Variants in KCNMA1 observed in about 807,000 individuals in gnomAD.
KCNMA1 encodes the protein Calcium-activated potassium channel subunit alpha-1.
KCNMA1 carries 29 observed loss-of-function variants against 140.0 expected under a neutral mutation model. That is an observed-to-expected ratio of 0.21 (90% CI 0.15 to 0.28). KCNMA1 has a LOEUF of 0.28. Ranked by LOEUF, KCNMA1 falls within the 10% of genes least tolerant of loss-of-function variation. KCNMA1 has a pLI of 1.00. For missense variants in KCNMA1, 880 were observed against 1,602.2 expected (o/e 0.55, Z 7.70); for synonymous variants, 612 against 611.9 (o/e 1.00, Z 0.00).
intron 3 of KCNMA1, among the ~76,000 whole-genome samples, chr10:77,230,877 A>T (rs1257478762): frequency 1.3e-5 from 2 of 152,150 alleles, no homozygotes; most frequent in Non-Finnish European, 2.9e-5. Context: ...CAATAGAGAA[A>T]TTTCTGTCTT....
At chr10:77,320,387 G>T (rs1287651159) in intron 2 of KCNMA1, among the ~76,000 whole-genome samples, 7 of 152,162 alleles carry the variant, frequency 4.6e-5, no homozygotes, top group Admixed American at 3.9e-4. Flanking sequence ...TGCAAGGAAG[G>T]AAGGGGCTAC....
intron 2 of KCNMA1, among the ~76,000 whole-genome samples, chr10:77,336,445 A>T (rs774925115): frequency 6.6e-6 from 1 of 152,094 alleles, no homozygotes; most frequent in African/African-American, 2.4e-5. Context: ...AAAAAAAAAG[A>T]AGATGAATGC....
chr10:77,332,975 T>C, intron 2 of KCNMA1, among the ~76,000 whole-genome samples: 1 of 152,216 alleles, frequency 6.6e-6, no homozygotes, highest in Non-Finnish European at 1.5e-5. Flanking sequence ...CTTAGGTTAT[T>C]TTCTCTTTAA....
chr10:77,143,842 C>T (rs1176685099), intron 5 of KCNMA1, among the ~76,000 whole-genome samples: 1 of 152,096 alleles, frequency 6.6e-6, no homozygotes, highest in Non-Finnish European at 1.5e-5. Context: ...TGACAAAGAA[C>T]TTACAGAAAT....
chr10:77,601,921 T>C (rs2082790457), intron 1 of KCNMA1, among the ~76,000 whole-genome samples: 1 of 152,142 alleles, frequency 6.6e-6, no homozygotes, highest in Non-Finnish European at 1.5e-5. Flanking sequence ...GAGCAAGGGA[T>C]ATAGCAGGAG....
At chr10:77,021,569 G>A (rs1251599742) in intron 16 of KCNMA1, among the ~76,000 whole-genome samples, 1 of 152,206 alleles carries the variant, frequency 6.6e-6, no homozygotes. Context: ...TTTTATCCCT[G>A]CACAATATCT....
intron 2 of KCNMA1, among the ~76,000 whole-genome samples, chr10:77,265,176 C>T (rs567805207): frequency 1.3e-5 from 2 of 152,254 alleles, no homozygotes; most frequent in African/African-American, 4.8e-5. Context: ...CTCAGCCTCC[C>T]AAGTACCTGG....
At chr10:76,957,569 A>C (rs1591922782) in intron 20 of KCNMA1, among the ~76,000 whole-genome samples, 3 of 152,224 alleles carry the variant, frequency 2.0e-5, no homozygotes, top group African/African-American at 7.2e-5. Context: ...GAGCCATTCC[A>C]CAAGAGCAAG....
intron 1 of KCNMA1, among the ~76,000 whole-genome samples, chr10:77,451,231 C>T (rs994952332): frequency 6.6e-6 from 1 of 152,274 alleles, no homozygotes; most frequent in South Asian, 2.1e-4. Context: ...AGGAGCCTGA[C>T]CAGTGACATC....
chr10:77,225,725 A>C (rs924400067), intron 3 of KCNMA1, among the ~76,000 whole-genome samples: 11 of 152,234 alleles, frequency 7.2e-5, no homozygotes, highest in African/African-American at 2.6e-4. Context: ...CCAGGAGGAG[A>C]CAGGAACTGG....
At chr10:76,942,095 C>A (rs7893614) in intron 23 of KCNMA1, among the ~76,000 whole-genome samples, 55,291 of 152,060 alleles carry the variant, frequency 0.36, 10,762 homozygotes, top group East Asian at 0.76. Context: ...CCTCAGCCTC[C>A]CGAGTAGCTG....
At chr10:77,005,749 G>A (rs1008358785) in intron 18 of KCNMA1, among the ~76,000 whole-genome samples, 1 of 152,222 alleles carries the variant, frequency 6.6e-6, no homozygotes, top group Non-Finnish European at 1.5e-5. Flanking sequence ...TCACCACAGT[G>A]AAGTGGATAT....
intron 3 of KCNMA1, among the ~76,000 whole-genome samples, chr10:77,190,101 C>A (rs1425622539): frequency 6.6e-6 from 1 of 152,106 alleles, no homozygotes; most frequent in Non-Finnish European, 1.5e-5. Flanking sequence ...CTGCTGATTA[C>A]TCTTTGTGTT....
chr10:77,626,441 T>G (rs1353458133), intron 1 of KCNMA1, among the ~76,000 whole-genome samples: 1 of 152,230 alleles, frequency 6.6e-6, no homozygotes, highest in Non-Finnish European at 1.5e-5. Context: ...ATTAAGCTGT[T>G]GCCAGCTAAT....
Position 77,168,773 on chromosome 10 carries a change from A to G in KCNMA1, c.808+14648T>C, listed in dbSNP as rs116471559. On this transcript the variant is annotated intron_variant, in intron 5 of 27. Coordinates refer to ENST00000286628, the MANE Select transcript of KCNMA1 (RefSeq NM_001161352.2). ...AGGTCATCAAAATTGATTAGTAGCT[A>G]TTGTATGCAAAACATAGTGCCAGAC... Among the ~76,000 whole-genome samples the G allele has an allele frequency of 5.3e-3, 807 of 152,342 alleles. 5 individuals carry two copies. Among genetic ancestry groups the G allele is most frequent in the African/African-American group, 0.018 (759 of 41,584 alleles).
chr10:76,940,350 C>T (rs567152997), intron 23 of KCNMA1, among the ~76,000 whole-genome samples: 3 of 152,180 alleles, frequency 2.0e-5, no homozygotes, highest in East Asian at 1.9e-4. Context: ...AAAAAAGAGG[C>T]TTTGTTAGTC....
At chr10:77,291,911 C>T (rs545915022) in intron 2 of KCNMA1, among the ~76,000 whole-genome samples, 51 of 152,280 alleles carry the variant, frequency 3.3e-4, no homozygotes, top group South Asian at 1.0e-3. Context: ...ACTAGGAATG[C>T]GGAATTCCCC....
At chr10:77,115,482 T>C (rs1278893855) in intron 6 of KCNMA1, among the ~76,000 whole-genome samples, 1 of 152,174 alleles carries the variant, frequency 6.6e-6, no homozygotes, top group East Asian at 1.9e-4. Context: ...GGGAGGCCTC[T>C]TAGGGAGGTG....
intron 1 of KCNMA1, among the ~76,000 whole-genome samples, chr10:77,585,546 T>G (rs548761756): frequency 1.3e-5 from 2 of 152,342 alleles, no homozygotes; most frequent in East Asian, 3.9e-4. Context: ...TCAAGAAATG[T>G]TTGTAACCCT....
Sources: gnomAD v4.1 joint callset for allele counts (sites outside exome capture counted in the v4.1 genomes callset) on GRCh38, gnomAD v4.1.1 for gene constraint, MANE v1.5 for transcripts, NCBI Gene and HGNC (gene_info 2026-07-23, HGNC 2026-07-21) for gene names.